The following ROBO2 variants were observed in gnomAD, a reference collection of about 807,000 sequenced individuals.
The protein encoded by ROBO2 is roundabout guidance receptor 2.
In ROBO2, 53 loss-of-function variants were observed where a neutral mutation model predicts 160.8. The ratio of observed to expected loss-of-function variants is 0.33; its 90% CI spans 0.26 to 0.41. The LOEUF (loss-of-function observed/expected upper bound fraction) is 0.41. Ranked by LOEUF, ROBO2 falls within the 10% of genes least tolerant of loss-of-function variation. ROBO2 has a pLI of 1.00. For synonymous variants in ROBO2, 664 were observed against 611.7 expected (o/e 1.09, Z -1.26); for missense variants, 1,577 against 1,722.4 (o/e 0.92, Z 1.49).
At chr3:76,248,660 TAAAAAAAAA>T (rs551143290) in intron 2 of ROBO2, among the ~76,000 whole-genome samples, 11 of 115,824 alleles carry the variant, frequency 9.5e-5, no homozygotes, top group African/African-American at 3.4e-4. Context: ...AAAAAAAACT[TAAAAAAAAA>T]AAAAGAAATT....
chr3:77,129,615 G>A (rs1002905301), intron 2 of ROBO2, among the ~76,000 whole-genome samples: 8 of 152,160 alleles, frequency 5.3e-5, no homozygotes, highest in African/African-American at 1.9e-4. Context: ...AGCCCAATTC[G>A]TTCAACTTTT....
At chr3:76,135,008 C>T (rs575109001) in intron 2 of ROBO2, among the ~76,000 whole-genome samples, 1 of 152,202 alleles carries the variant, frequency 6.6e-6, no homozygotes, top group Non-Finnish European at 1.5e-5. Context: ...GCTTTACTCA[C>T]AGTCATTTAG....
intron 2 of ROBO2, among the ~76,000 whole-genome samples, chr3:76,058,478 C>G (rs889728176): frequency 6.6e-6 from 1 of 151,682 alleles, no homozygotes; most frequent in African/African-American, 2.4e-5. Flanking sequence ...CATGAAGCAC[C>G]TAGTGTATAG....
intron 2 of ROBO2, among the ~76,000 whole-genome samples, chr3:76,504,402 A>T (rs1171516898): frequency 6.6e-6 from 1 of 152,214 alleles, no homozygotes; most frequent in Non-Finnish European, 1.5e-5. Flanking sequence ...GAGATCCGTC[A>T]GACTAATTCT....
intron 1 of ROBO2, among the ~76,000 whole-genome samples, chr3:77,096,133 A>C (rs1307146277): frequency 1.3e-5 from 2 of 152,188 alleles, no homozygotes; most frequent in Non-Finnish European, 2.9e-5. Flanking sequence ...CTGAGAGTGA[A>C]CTGAGGTAAC....
At chr3:77,622,574 A>G (rs2094924559) in intron 23 of ROBO2, 142 bp downstream of exon 24, 1 of 743,432 alleles carries the variant, frequency 1.3e-6, no homozygotes. Context: ...TAAATACAAA[A>G]TTCAAAAAGG....
intron 2 of ROBO2, among the ~76,000 whole-genome samples, chr3:77,336,783 G>A (rs911412042): frequency 2.0e-5 from 3 of 152,164 alleles, no homozygotes; most frequent in African/African-American, 7.2e-5. Flanking sequence ...AGACTGTGAA[G>A]TTTTATTATT....
At chr3:76,198,562 T>C (rs758002506) in intron 2 of ROBO2, among the ~76,000 whole-genome samples, 1 of 152,184 alleles carries the variant, frequency 6.6e-6, no homozygotes, top group Non-Finnish European at 1.5e-5. Flanking sequence ...ATACATTATA[T>C]AGCGAATCCT....
At chr3:75,918,483 T>G (rs1252270612) in intron 1 of ROBO2, among the ~76,000 whole-genome samples, 1 of 152,230 alleles carries the variant, frequency 6.6e-6, no homozygotes, top group Admixed American at 6.5e-5. Flanking sequence ...TCCAGCTTTG[T>G]TCTTTTTGCT....
chr3:76,031,252 G>A (rs1320815390), intron 2 of ROBO2, among the ~76,000 whole-genome samples: 1 of 152,188 alleles, frequency 6.6e-6, no homozygotes, highest in East Asian at 1.9e-4. Flanking sequence ...ATCAGCTTAA[G>A]GAGATTTTGG....
intron 2 of ROBO2, among the ~76,000 whole-genome samples, chr3:76,658,202 CCAGA>C (rs908269425): frequency 6.6e-6 from 1 of 151,124 alleles, no homozygotes; most frequent in Admixed American, 6.6e-5. Flanking sequence ...ATTCCAATAC[CCAGA>C]CATAGTCACT....
intron 2 of ROBO2, among the ~76,000 whole-genome samples, chr3:77,367,209 A>G (rs1197769423): frequency 1.3e-5 from 2 of 152,126 alleles, no homozygotes; most frequent in East Asian, 3.9e-4. Context: ...TTATGTGAAT[A>G]TATATATTAA....
intron 1 of ROBO2, among the ~76,000 whole-genome samples, chr3:75,907,945 A>G (rs1946424228): frequency 6.6e-6 from 1 of 151,256 alleles, no homozygotes; most frequent in Admixed American, 6.6e-5. Flanking sequence ...TTTCTTTCTT[A>G]CTAATAGCAC....
intron 2 of ROBO2, among the ~76,000 whole-genome samples, chr3:76,583,882 T>G (rs1042021653): frequency 6.6e-6 from 1 of 152,222 alleles, no homozygotes; most frequent in Non-Finnish European, 1.5e-5. Flanking sequence ...GCCATGCTTT[T>G]TCTCTATTAT....
chr3:76,260,882 A>G (rs1320542255), intron 2 of ROBO2, among the ~76,000 whole-genome samples: 1 of 152,094 alleles, frequency 6.6e-6, no homozygotes, highest in African/African-American at 2.4e-5. Context: ...TCCACTAGAA[A>G]GAATCTCATA....
chr3:76,091,880 T>G (rs1247725232), intron 2 of ROBO2, among the ~76,000 whole-genome samples: 3 of 152,058 alleles, frequency 2.0e-5, no homozygotes, highest in African/African-American at 4.8e-5. Flanking sequence ...AGCAAAAGTA[T>G]AGAGATAGTA....
At chr3:76,255,922 A>T (rs1465938755) in intron 2 of ROBO2, among the ~76,000 whole-genome samples, 2 of 152,070 alleles carry the variant, frequency 1.3e-5, no homozygotes, top group Admixed American at 1.3e-4. Context: ...AGCTTTTTGA[A>T]TATGTACTGT....
chr3:77,206,900 G>A (rs1240218508), intron 2 of ROBO2, among the ~76,000 whole-genome samples: 1 of 151,996 alleles, frequency 6.6e-6, no homozygotes, highest in Non-Finnish European at 1.5e-5. Flanking sequence ...GAAAAACATA[G>A]ACAAACAGCT....
intron 2 of ROBO2, among the ~76,000 whole-genome samples, chr3:77,466,372 G>A (rs558741095): frequency 1.9e-4 from 29 of 152,174 alleles, no homozygotes; most frequent in African/African-American, 3.4e-4. Flanking sequence ...TTCAAAATTC[G>A]AATATAATCT....
Sources: gnomAD v4.1 joint callset for allele counts (sites outside exome capture counted in the v4.1 genomes callset) on GRCh38, gnomAD v4.1.1 for gene constraint, MANE v1.5 for transcripts, NCBI Gene and HGNC (gene_info 2026-07-23, HGNC 2026-07-21) for gene names.